The following NRG3 variants were observed in gnomAD, a reference collection of about 807,000 sequenced individuals.
The protein encoded by NRG3 is pro-neuregulin-3, membrane-bound isoform.
In NRG3, 31 loss-of-function variants were observed where a neutral mutation model predicts 66.9. The observed-to-expected ratio is 0.46, with a 90% confidence interval of 0.35 to 0.63. The LOEUF is 0.63. Among genes scored for constraint, NRG3 ranks in the 20% least tolerant of loss-of-function variants. NRG3 has a pLI of 0.00. For missense variants in NRG3, 910 were observed against 878.9 expected (o/e 1.04, Z -0.45); for synonymous variants, 393 against 359.4 (o/e 1.09, Z -1.06).
At chr10:81,980,450 G>A (rs934720928) in intron 1 of NRG3, among the ~76,000 whole-genome samples, 2 of 152,098 alleles carry the variant, frequency 1.3e-5, no homozygotes, top group Non-Finnish European at 2.9e-5. Context: ...AAATAAAAAA[G>A]ACAATGATTT....
At chr10:82,148,387 C>G (rs533424182) in intron 1 of NRG3, among the ~76,000 whole-genome samples, 1 of 152,246 alleles carries the variant, frequency 6.6e-6, no homozygotes, top group African/African-American at 2.4e-5. Flanking sequence ...TTCTTTCTAA[C>G]CCATGGTTGA....
At chr10:82,558,550 AT>A (rs2044804876) in intron 2 of NRG3, among the ~76,000 whole-genome samples, 1 of 152,150 alleles carries the variant, frequency 6.6e-6, no homozygotes, top group Admixed American at 6.6e-5. Flanking sequence ...GGGTTCCTCG[AT>A]TGCATTACAT....
chr10:82,904,497 C>A (rs113674696), intron 4 of NRG3, among the ~76,000 whole-genome samples: 3,112 of 152,182 alleles, frequency 0.02, 36 homozygotes, highest in Middle Eastern at 0.041. Context: ...ATATTTCAAG[C>A]AAAATGCATC....
rs533891220 is a variant in NRG3 at position 82,237,525 on chromosome 10, CTTCATTCA to C, written c.824-121196_824-121189del. 2.0e-5 allele frequency among the ~76,000 whole-genome samples: 3 copies of C among 151,798 alleles called. No homozygotes were observed. In the East Asian group the frequency reaches 5.8e-4, roughly 29 times the overall value. On this transcript the variant is annotated intron_variant, in intron 1 of 8. Coordinates refer to ENST00000372141, the MANE Select transcript of NRG3 (RefSeq NM_001010848.4). ...CTCTGTGAAGGCTGAACTATGTCTA[CTTCATTCA>C]TTCATTCATTCATTCATATATGCTC...
At chr10:82,213,737 T>C (rs751325966) in intron 1 of NRG3, among the ~76,000 whole-genome samples, 35 of 152,198 alleles carry the variant, frequency 2.3e-4, no homozygotes, top group Non-Finnish European at 8.8e-5. Context: ...AGCAAAAACA[T>C]TAATTAATTA....
chr10:82,403,745 A>C (rs2087290149), intron 2 of NRG3, among the ~76,000 whole-genome samples: 1 of 152,144 alleles, frequency 6.6e-6, no homozygotes, highest in Non-Finnish European at 1.5e-5. Context: ...ATTTAGAAAT[A>C]GAGGGACAAT....
intron 2 of NRG3, among the ~76,000 whole-genome samples, chr10:82,731,096 G>T (rs886371975): frequency 1.3e-5 from 2 of 152,136 alleles, no homozygotes; most frequent in African/African-American, 4.8e-5. Context: ...GCTGGGTGCG[G>T]TGGCTCACGT....
chr10:82,569,838 G>C (rs760081139), intron 2 of NRG3, among the ~76,000 whole-genome samples: 1 of 151,556 alleles, frequency 6.6e-6, no homozygotes, highest in East Asian at 1.9e-4. Context: ...CCAGGTTCTT[G>C]GTTGGTTTCT....
intron 2 of NRG3, among the ~76,000 whole-genome samples, chr10:82,524,374 A>C (rs1846483356): frequency 6.6e-6 from 1 of 151,994 alleles, no homozygotes; most frequent in African/African-American, 2.4e-5. Flanking sequence ...GTAGGTGCTG[A>C]ATAACGTTAG....
chr10:82,867,498 A>G (rs554130910), intron 4 of NRG3, among the ~76,000 whole-genome samples: 1 of 152,348 alleles, frequency 6.6e-6, no homozygotes, highest in South Asian at 2.1e-4. Context: ...TGTGAATGGC[A>G]TAAACTTTAA....
chr10:82,633,248 G>A (rs2049967559), intron 2 of NRG3, among the ~76,000 whole-genome samples: 1 of 152,132 alleles, frequency 6.6e-6, no homozygotes, highest in Admixed American at 6.5e-5. Context: ...AGAGGTGTTG[G>A]GAAAGTAAGT....
rs74144370 is a variant in NRG3, at chr10:82,332,362, G to A, written c.824-26377G>A. Among the ~76,000 whole-genome samples, 205 of 152,282 alleles carry A rather than the reference G, an allele frequency of 1.3e-3. 1 individual carries two copies. The highest frequency in any genetic ancestry group is 4.7e-3 in the African/African-American group (194 of 41,552). ...TGCCTGTTGATGTCATGGGGAACCA[G>A]GGTAATGGGGAGCGGACAGTTTCTC... On this transcript the variant is annotated intron_variant, in intron 1 of 8. Transcript: ENST00000372141.
chr10:82,699,250 GGGAAGGAAGGAAGGAA>G (rs71822119), intron 2 of NRG3, among the ~76,000 whole-genome samples: 8 of 148,186 alleles, frequency 5.4e-5, no homozygotes, highest in South Asian at 2.1e-4. Flanking sequence ...GAAGGAAAGA[GGGAAGGAAGGAAGGAA>G]GGAAGGAAGG....
At chr10:82,407,761 AG>A (rs2087633341) in intron 2 of NRG3, among the ~76,000 whole-genome samples, 2 of 152,042 alleles carry the variant, frequency 1.3e-5, no homozygotes, top group Admixed American at 1.3e-4. Context: ...CTCCTCATGA[AG>A]TTTACATGTT....
chr10:82,645,026 A>T (rs894018860), intron 2 of NRG3, among the ~76,000 whole-genome samples: 3 of 152,208 alleles, frequency 2.0e-5, no homozygotes, highest in Non-Finnish European at 4.4e-5. Flanking sequence ...TTTGCTTTAC[A>T]GTTTTGAGAA....
chr10:82,800,545 A>G (rs956487439), intron 3 of NRG3, among the ~76,000 whole-genome samples: 5 of 152,210 alleles, frequency 3.3e-5, no homozygotes, highest in Non-Finnish European at 7.3e-5. Context: ...TGTGCATATT[A>G]CATGTTAATG....
chr10:82,453,592 T>A (rs963717805), intron 2 of NRG3, among the ~76,000 whole-genome samples: 3 of 151,840 alleles, frequency 2.0e-5, no homozygotes, highest in African/African-American at 7.3e-5. Context: ...GAGAAACCAA[T>A]GTGCAAGGTA....
chr10:82,233,542 T>C (rs1488299748), intron 1 of NRG3, among the ~76,000 whole-genome samples: 2 of 152,318 alleles, frequency 1.3e-5, no homozygotes, highest in East Asian at 1.9e-4. Flanking sequence ...ACTTTCTTTC[T>C]ATCATGACTT....
chr10:82,922,357 C>G (rs1023428431), intron 4 of NRG3, among the ~76,000 whole-genome samples: 2 of 152,136 alleles, frequency 1.3e-5, no homozygotes, highest in Non-Finnish European at 2.9e-5. Flanking sequence ...GCCATTCAAA[C>G]CATCTGAATT....
Sources: gnomAD v4.1 joint callset for allele counts (sites outside exome capture counted in the v4.1 genomes callset) on GRCh38, gnomAD v4.1.1 for gene constraint, MANE v1.5 for transcripts, NCBI Gene and HGNC (gene_info 2026-07-23, HGNC 2026-07-21) for gene names.